AXDND1: variants seen among roughly 807,000 people sequenced by gnomAD.
AXDND1 encodes the protein axonemal dynein light chain domain containing 1.
In AXDND1, 110 loss-of-function variants were observed where a neutral mutation model predicts 137.5. That is an observed-to-expected ratio of 0.80 (90% CI 0.69 to 0.94). The LOEUF (loss-of-function observed/expected upper bound fraction) is 0.94. Among genes scored for constraint, AXDND1 ranks in the 40% least tolerant of loss-of-function variants. The pLI is 0.00. For missense variants in AXDND1, 1,191 were observed against 1,169.8 expected (o/e 1.02, Z -0.26); for synonymous variants, 414 against 399.7 (o/e 1.04, Z -0.43).
intron 16 of AXDND1, among the ~76,000 whole-genome samples, chr1:179,466,271 T>G (rs958568356): frequency 4.8e-5 from 4 of 83,248 alleles, no homozygotes; most frequent in African/African-American, 1.6e-4. Context: ...TTTTCTTTCT[T>G]TCTTCTTCTT....
At chr1:179,432,121 TG>T in intron 14 of AXDND1, 145 bp from the exon 15 acceptor site, 1 of 1,024,796 alleles carries the variant, frequency 9.8e-7, no homozygotes. Flanking sequence ...GATAAATACC[TG>T]TGGGGAGAGG....
At chr1:179,475,524 C>T (rs1011447403) in intron 17 of AXDND1, among the ~76,000 whole-genome samples, 2 of 152,248 alleles carry the variant, frequency 1.3e-5, no homozygotes, top group African/African-American at 4.8e-5. Flanking sequence ...TTCAGACTTG[C>T]ATGGGGCCTG....
At chr1:179,389,461 T>C (rs1455276801) in intron 9 of AXDND1, among the ~76,000 whole-genome samples, 1 of 152,150 alleles carries the variant, frequency 6.6e-6, no homozygotes, top group Non-Finnish European at 1.5e-5. Flanking sequence ...TCCAGGATGC[T>C]TTCTGGAAAA....
chr1:179,459,765 CTCT>C (rs1157503101), intron 16 of AXDND1, among the ~76,000 whole-genome samples: 2 of 89,928 alleles, frequency 2.2e-5, no homozygotes, highest in Non-Finnish European at 4.8e-5. Flanking sequence ...CTTTTCTTTT[CTCT>C]TTTCTTTTTC....
chr1:179,550,833 G>T lies in AXDND1; in HGVS notation c.3032-3679G>T, dbSNP rs886045595. On this transcript the variant is annotated intron_variant, in intron 25 of 25. Coordinates refer to ENST00000367618, the MANE Select transcript of AXDND1 (RefSeq NM_144696.6). The stretch of plus-strand genomic sequence containing the variant: ...GAGCTGTGGCAACCTTGCCAAAGGG[G>T]TCAGAGGACATACAGTGAAAGGGAC... The T allele has an allele frequency of 1.9e-5, 7 of 363,866 alleles. No homozygotes were observed. The highest frequency in any genetic ancestry group is 3.8e-5 in the Admixed American group (1 of 26,090). The allele number at this position is 363,866 out of a possible 1,614,324, so 22.5% of individuals were successfully genotyped here. A position where few individuals can be genotyped will look rare whatever the true frequency, so the allele number is the denominator to read the frequency against.
intron 2 of AXDND1, 44 bp downstream of exon 2, chr1:179,366,650 A>T (rs776769697): frequency 6.6e-7 from 1 of 1,510,136 alleles, no homozygotes; most frequent in South Asian, 1.1e-5. Flanking sequence ...CATGGCCGTA[A>T]GACAGAAATC....
In AXDND1 at chr1:179,412,372, G is replaced by C. The variant is rs930779853; in HGVS notation, c.1230+1106G>C. On this transcript the variant is annotated intron_variant, in intron 12 of 25. Coordinates refer to ENST00000367618, the MANE Select transcript of AXDND1 (RefSeq NM_144696.6). ...TTAAAAAATGAGTTCAGTTAAATTGGTTCACTGGTCTACTGGTGGCAGGTC... is the reference window on the plus strand; with the variant it reads ...TTAAAAAATGAGTTCAGTTAAATTGCTTCACTGGTCTACTGGTGGCAGGTC... Among the ~76,000 whole-genome samples the C allele has an allele frequency of 2.0e-5, 3 of 152,100 alleles. No homozygotes were observed. The South Asian group carries it at 6.2e-4, about 31-fold the overall frequency.
chr1:179,369,295 C>A (rs776967443), intron 3 of AXDND1, among the ~76,000 whole-genome samples: 1 of 152,136 alleles, frequency 6.6e-6, no homozygotes, highest in African/African-American at 2.4e-5. Context: ...CTATGCTGGT[C>A]TCAAATTCCT....
chr1:179,548,359 C>G (rs1672839320), intron 25 of AXDND1, among the ~76,000 whole-genome samples: 4 of 152,076 alleles, frequency 2.6e-5, no homozygotes, highest in Non-Finnish European at 5.9e-5. Context: ...TACTTTTATC[C>G]CCATTTATAC....
chr1:179,380,279 A>G (rs1648045482), intron 6 of AXDND1, among the ~76,000 whole-genome samples: 1 of 148,234 alleles, frequency 6.7e-6, no homozygotes, highest in Admixed American at 6.9e-5. Flanking sequence ...AAAGAAAAAG[A>G]TACAAATTAA....
Position 179,390,075 on chromosome 1 carries a change from G to A in AXDND1, c.864-3828G>A, listed in dbSNP as rs1432262338. On this transcript the variant is annotated intron_variant, in intron 9 of 25. Coordinates refer to ENST00000367618, the MANE Select transcript of AXDND1 (RefSeq NM_144696.6). The stretch of plus-strand genomic sequence containing the variant: ...GTCACCCAGGCTGGAGTGCAGTGGT[G>A]AGATCTCTGCTCACTGCAACCTCTG... 4.6e-5 allele frequency among the ~76,000 whole-genome samples: 7 copies of A among 150,944 alleles called. No homozygotes were observed. The East Asian group carries it at 1.4e-3, about 29-fold the overall frequency.
intron 21 of AXDND1, among the ~76,000 whole-genome samples, chr1:179,520,284 GC>G (rs1375222822): frequency 2.0e-5 from 3 of 152,124 alleles, no homozygotes. Flanking sequence ...AAGCTTTTGG[GC>G]TGAGACAATG....
intron 9 of AXDND1, among the ~76,000 whole-genome samples, chr1:179,389,234 A>T (rs1649739616): frequency 6.6e-6 from 1 of 151,402 alleles, no homozygotes; most frequent in Non-Finnish European, 1.5e-5. Flanking sequence ...CAGCCCCACA[A>T]AGTGCTGGGA....
chr1:179,367,424 AGAATCGCTT>A (rs565882723), intron 2 of AXDND1, among the ~76,000 whole-genome samples: 76 of 152,264 alleles, frequency 5.0e-4, no homozygotes, highest in African/African-American at 1.8e-3. Context: ...CTGAGGCAGG[AGAATCGCTT>A]GAACCCGGGA....
intron 22 of AXDND1, among the ~76,000 whole-genome samples, 168 bp from the exon 23 acceptor site, chr1:179,528,159 T>C (rs1417765717): frequency 6.6e-6 from 1 of 152,224 alleles, no homozygotes; most frequent in Non-Finnish European, 1.5e-5. Context: ...CTACCAGTTT[T>C]TCACAGCGTT....
At chr1:179,542,868 A>G (rs1484350940) in intron 25 of AXDND1, among the ~76,000 whole-genome samples, 1 of 152,148 alleles carries the variant, frequency 6.6e-6, no homozygotes. Context: ...CCACCAGCAA[A>G]ATCATTGCCA....
At chr1:179,457,008 C>T (rs1661500921) in intron 16 of AXDND1, 2 of 1,564,908 alleles carry the variant, frequency 1.3e-6, no homozygotes, top group South Asian at 1.1e-5. Context: ...TTAATGCCAC[C>T]AACAAATATC....
At chr1:179,524,644 C>T (rs1016823413) in intron 21 of AXDND1, among the ~76,000 whole-genome samples, 1 of 152,148 alleles carries the variant, frequency 6.6e-6, no homozygotes, top group Non-Finnish European at 1.5e-5. Flanking sequence ...CTAACCATCC[C>T]GTGTCCATCC....
intron 11 of AXDND1, among the ~76,000 whole-genome samples, chr1:179,397,540 C>T (rs571606711): frequency 1.2e-4 from 19 of 152,264 alleles, no homozygotes; most frequent in Non-Finnish European, 2.5e-4. Context: ...TCTCTACCTA[C>T]GTTGGGGAAA....
Sources: allele counts gnomAD v4.1 joint callset (sites outside exome capture counted in the v4.1 genomes callset), GRCh38; gene constraint gnomAD v4.1.1; transcripts MANE v1.5; gene names NCBI Gene and HGNC (gene_info 2026-07-23, HGNC 2026-07-21).